Variants in SLIT2 observed in about 807,000 individuals in gnomAD.
The protein encoded by SLIT2 is slit guidance ligand 2, also known as slit homolog 2 protein.
In SLIT2, 41 loss-of-function variants were observed where a neutral mutation model predicts 185.7. The observed-to-expected ratio is 0.22, with a 90% CI of 0.17 to 0.29. The LOEUF is 0.29. SLIT2 is among the 10% of genes least tolerant of loss of function. SLIT2 has a pLI of 1.00. For synonymous variants in SLIT2, 693 were observed against 680.2 expected (o/e 1.02, Z -0.29); for missense variants, 1,571 against 1,909.0 (o/e 0.82, Z 3.30).
intron 29 of SLIT2, among the ~76,000 whole-genome samples, chr4:20,585,974 C>A (rs1727024999): frequency 6.6e-6 from 1 of 152,166 alleles, no homozygotes; most frequent in Non-Finnish European, 1.5e-5. Context: ...TAATGTTAGT[C>A]ATTTTATCTC....
intron 34 of SLIT2, among the ~76,000 whole-genome samples, chr4:20,614,024 A>C (rs1018986731): frequency 6.6e-6 from 1 of 152,072 alleles, no homozygotes; most frequent in African/African-American, 2.4e-5. Context: ...GGCGCCTGCT[A>C]CCACGCCCAG....
intron 4 of SLIT2, among the ~76,000 whole-genome samples, chr4:20,360,946 C>T (rs1722686688): frequency 6.6e-6 from 1 of 152,068 alleles, no homozygotes; most frequent in Non-Finnish European, 1.5e-5. Flanking sequence ...TGCAAACAAA[C>T]AAATTGAGGG....
Position 20,476,432 on chromosome 4 carries a change from A to G in SLIT2, c.468-4284A>G, listed in dbSNP as rs1716119099. On this transcript the variant is annotated intron_variant, in intron 5 of 36. Transcript: ENST00000504154. ...TTGGAGTTTTCTATCTTACAATAATAATAATACGAACATAAAGTAAACTAT... is the reference window on the plus strand; with the variant it reads ...TTGGAGTTTTCTATCTTACAATAATGATAATACGAACATAAAGTAAACTAT... Among the ~76,000 whole-genome samples, 2 of 152,160 alleles carry G rather than the reference A, an allele frequency of 1.3e-5. 1 individual carries two copies. Among genetic ancestry groups the G allele is most frequent in the South Asian group, 4.1e-4 (2 of 4,826 alleles).
At position 20,252,426 on chromosome 4, in the gene SLIT2, C is replaced by G. The variant is rs140182532; in HGVS notation, c.-1390C>G. Among the ~76,000 whole-genome samples, 1,104 of 152,316 alleles carry G rather than the reference C, an allele frequency of 7.2e-3. 12 individuals are homozygous for G. Among genetic ancestry groups the G allele is most frequent in the African/African-American group, 0.025 (1,028 of 41,574 alleles). On this transcript the variant is annotated 5_prime_UTR_variant, in exon 1 of 37. Transcript: ENST00000504154. ...AAGGGGCTAGAAGGAGAAGGACTACCCGGGACTGCGGCCGCCGCGTCAGGT... is the reference window on the plus strand; with the variant it reads ...AAGGGGCTAGAAGGAGAAGGACTACGCGGGACTGCGGCCGCCGCGTCAGGT...
chr4:20,427,983 T>TCTC (rs1560414513), intron 4 of SLIT2, among the ~76,000 whole-genome samples: 1 of 152,138 alleles, frequency 6.6e-6, no homozygotes, highest in Non-Finnish European at 1.5e-5. Flanking sequence ...GCTAATTACT[T>TCTC]CTCACTCATC....
At chr4:20,368,230 AAAAAG>A (rs1301921085) in intron 4 of SLIT2, among the ~76,000 whole-genome samples, 1 of 150,798 alleles carries the variant, frequency 6.6e-6, no homozygotes, top group Admixed American at 6.6e-5. Flanking sequence ...AAAAAAAAAA[AAAAAG>A]AAAAAAAAGA....
At chr4:20,617,884 C>T (rs562339181) in intron 36 of SLIT2, among the ~76,000 whole-genome samples, 19 of 152,212 alleles carry the variant, frequency 1.2e-4, no homozygotes, top group Middle Eastern at 3.4e-3. Flanking sequence ...AAACCTCCAC[C>T]GCAAGATTGT....
At chr4:20,570,800 A>G (rs570085818) in intron 29 of SLIT2, among the ~76,000 whole-genome samples, 23 of 148,548 alleles carry the variant, frequency 1.5e-4, no homozygotes, top group African/African-American at 5.7e-4. Context: ...CACAACTGCA[A>G]TCAGGTTCTT....
chr4:20,414,468 G>A (rs1727504021), intron 4 of SLIT2, among the ~76,000 whole-genome samples: 1 of 151,884 alleles, frequency 6.6e-6, no homozygotes, highest in African/African-American at 2.4e-5. Context: ...CATGTGATTT[G>A]AATTACCCTC....
At chr4:20,561,108 A>T (rs1394643362) in intron 26 of SLIT2, among the ~76,000 whole-genome samples, 1 of 151,870 alleles carries the variant, frequency 6.6e-6, no homozygotes, top group African/African-American at 2.4e-5. Context: ...CAAATGGAGT[A>T]TAACACAAAG....
At chr4:20,299,206 G>A (rs1310204598) in intron 4 of SLIT2, among the ~76,000 whole-genome samples, 2 of 152,126 alleles carry the variant, frequency 1.3e-5, no homozygotes, top group Non-Finnish European at 2.9e-5. Flanking sequence ...CACCCAGTGG[G>A]TGATTTATAA....
chr4:20,416,444 C>A (rs567323898), intron 4 of SLIT2, among the ~76,000 whole-genome samples: 3 of 152,174 alleles, frequency 2.0e-5, no homozygotes, highest in African/African-American at 7.2e-5. Context: ...GTCCTATCAC[C>A]AAATACATTT....
At chr4:20,509,155 A>G (rs1015183920) in intron 9 of SLIT2, among the ~76,000 whole-genome samples, 1 of 151,240 alleles carries the variant, frequency 6.6e-6, no homozygotes, top group Admixed American at 6.6e-5. Flanking sequence ...ACACATATGT[A>G]TACATACATA....
intron 4 of SLIT2, among the ~76,000 whole-genome samples, chr4:20,439,926 T>C (rs1464126390): frequency 6.6e-6 from 1 of 152,200 alleles, no homozygotes; most frequent in Non-Finnish European, 1.5e-5. Context: ...CCTATTGACT[T>C]AAAAGCACAC....
intron 36 of SLIT2, 137 bp downstream of exon 36, chr4:20,617,787 G>A: frequency 1.6e-6 from 1 of 634,576 alleles, no homozygotes; most frequent in South Asian, 2.0e-5. Flanking sequence ...AGTGACAGGA[G>A]AGAATACTAG....
chr4:20,555,184 C>T (rs530661502), intron 26 of SLIT2, among the ~76,000 whole-genome samples: 8 of 152,216 alleles, frequency 5.3e-5, no homozygotes, highest in African/African-American at 1.4e-4. Flanking sequence ...ATGTGCAAAA[C>T]TCAATCCTAG....
chr4:20,546,665 T>C (rs1723277312), intron 22 of SLIT2, among the ~76,000 whole-genome samples: 1 of 152,118 alleles, frequency 6.6e-6, no homozygotes, highest in African/African-American at 2.4e-5. Flanking sequence ...AAATTTTGAT[T>C]TTTTAGCTTA....
chr4:20,280,171 A>G (rs2077092123), intron 4 of SLIT2, among the ~76,000 whole-genome samples: 1 of 151,814 alleles, frequency 6.6e-6, no homozygotes, highest in South Asian at 2.1e-4. Flanking sequence ...GTCTCTACTA[A>G]AAATACAAAA....
intron 29 of SLIT2, among the ~76,000 whole-genome samples, chr4:20,582,491 A>G (rs1726668981): frequency 6.6e-6 from 1 of 152,182 alleles, no homozygotes; most frequent in South Asian, 2.1e-4. Context: ...GCCAGTTGCT[A>G]TCAATCAGAA....
Sources: gnomAD v4.1 joint callset for allele counts (sites outside exome capture counted in the v4.1 genomes callset) on GRCh38, gnomAD v4.1.1 for gene constraint, MANE v1.5 for transcripts, NCBI Gene and HGNC (gene_info 2026-07-23, HGNC 2026-07-21) for gene names.